Variants in MYO5C observed in about 807,000 individuals in gnomAD.
MYO5C encodes the protein unconventional myosin-Vc.
MYO5C carries 194 observed loss-of-function variants against 235.7 expected under a neutral mutation model. The observed-to-expected ratio is 0.82, with a 90% CI of 0.73 to 0.93. The LOEUF (loss-of-function observed/expected upper bound fraction) is 0.93, where lower values mean the gene tolerates loss of function less well. MYO5C is among the 40% of genes least tolerant of loss of function. The pLI is 0.00. For synonymous variants in MYO5C, 707 were observed against 754.8 expected (o/e 0.94, Z 1.04); for missense variants, 2,038 against 2,127.2 (o/e 0.96, Z 0.82).
rs377184231 is a variant in MYO5C, at chr15:52,258,375, G to A, written c.1314-1655C>T. Among the ~76,000 whole-genome samples, 13 of 152,294 alleles carry A rather than the reference G, an allele frequency of 8.5e-5. 1 individual carries two copies. The East Asian group carries it at 1.2e-3, about 14-fold the overall frequency. ...GGTTCTGTGACTTTCTTGAGGTCAC[G>A]TAACTGGTATGCTACGGAGCTCATT... On this transcript the variant is annotated intron_variant, in intron 10 of 40. Transcript: ENST00000261839.
At chr15:52,232,451 A>AC (rs2035986776) in intron 24 of MYO5C, among the ~76,000 whole-genome samples, 171 bp downstream of exon 24, 1 of 152,178 alleles carries the variant, frequency 6.6e-6, no homozygotes, top group East Asian at 1.9e-4. Flanking sequence ...TCAGTATCTG[A>AC]CAGTACACAT....
At chr15:52,220,844 T>G (rs2035665897) in intron 30 of MYO5C, among the ~76,000 whole-genome samples, 1 of 151,708 alleles carries the variant, frequency 6.6e-6, no homozygotes, top group South Asian at 2.1e-4. Context: ...AAAAAAAATT[T>G]TTTTTGTAGA....
chr15:52,212,167 T>C (rs1298856696), intron 34 of MYO5C, among the ~76,000 whole-genome samples: 1 of 152,184 alleles, frequency 6.6e-6, no homozygotes, highest in Non-Finnish European at 1.5e-5. Context: ...AAACCCTGGA[T>C]TTCAGACCCC....
At chr15:52,216,599 T>G (rs760193636) in intron 32 of MYO5C, among the ~76,000 whole-genome samples, 1 of 138,866 alleles carries the variant, frequency 7.2e-6, no homozygotes, top group Admixed American at 7.5e-5. Context: ...TTACTAAAAG[T>G]TTTTTTTTAA....
chr15:52,217,930 TC>T, intron 32 of MYO5C, among the ~76,000 whole-genome samples: 1 of 152,320 alleles, frequency 6.6e-6, no homozygotes, highest in East Asian at 1.9e-4. Context: ...CTTCAGCACT[TC>T]TCAGTCTTCT....
intron 32 of MYO5C, 24 bp from the exon 33 acceptor site, chr15:52,214,714 G>T: frequency 6.6e-7 from 1 of 1,509,754 alleles, no homozygotes. Flanking sequence ...AAGAAACCAG[G>T]ATTTAGCTTA....
chr15:52,237,289 C>A, intron 22 of MYO5C, 193 bp downstream of exon 22: 2 of 596,032 alleles, frequency 3.4e-6, no homozygotes, highest in South Asian at 2.9e-5. Flanking sequence ...CATTATTAAC[C>A]TCCTCCCTTC....
chr15:52,295,503 T>G, intron 1 of MYO5C, 107 bp downstream of exon 1: 5 of 1,292,002 alleles, frequency 3.9e-6, no homozygotes, highest in Non-Finnish European at 5.1e-6. Flanking sequence ...CGCCCTGCCG[T>G]GTCAGGTGCG....
Position 52,256,191 on chromosome 15 carries a change from G to T in MYO5C, c.1395+448C>A, listed in dbSNP as rs536700807. ...GAAGCACATAGGAAGAGGCCAGGAGGTATCGCAGGAGGCTCTCAGGGAAGC... is the reference window on the plus strand; with the variant it reads ...GAAGCACATAGGAAGAGGCCAGGAGTTATCGCAGGAGGCTCTCAGGGAAGC... On this transcript the variant is annotated intron_variant, in intron 11 of 40. Coordinates refer to ENST00000261839, the MANE Select transcript of MYO5C (RefSeq NM_018728.4). 2.0e-5 allele frequency among the ~76,000 whole-genome samples: 3 copies of T among 152,292 alleles called. No individual in the cohort carries two copies. The East Asian group carries it at 5.8e-4, about 29-fold the overall frequency.
intron 21 of MYO5C, 26 bp from the exon 22 acceptor site, chr15:52,237,672 T>G: frequency 6.3e-7 from 1 of 1,595,042 alleles, no homozygotes; most frequent in Non-Finnish European, 8.5e-7. Context: ...TTCAGATGTT[T>G]AGAGGTTAAT....
chr15:52,293,709 A>T (rs1027119063), intron 1 of MYO5C, among the ~76,000 whole-genome samples: 1 of 151,938 alleles, frequency 6.6e-6, no homozygotes, highest in African/African-American at 2.4e-5. Flanking sequence ...TGCAGCTCTA[A>T]TTCTTTTCCA....
chr15:52,293,908 C>T (rs1328663161), intron 1 of MYO5C, among the ~76,000 whole-genome samples: 1 of 152,224 alleles, frequency 6.6e-6, no homozygotes, highest in African/African-American at 2.4e-5. Context: ...CATGGCCCTC[C>T]CCTTCACACC....
intron 25 of MYO5C, 32 bp from the exon 26 acceptor site, chr15:52,225,564 G>A: frequency 2.0e-6 from 3 of 1,474,008 alleles, no homozygotes; most frequent in Non-Finnish European, 2.8e-6. Flanking sequence ...ATCAGGTAAA[G>A]AAAAAACAAC....
intron 33 of MYO5C, chr15:52,213,523 G>A (rs1187182193): frequency 2.5e-6 from 1 of 401,468 alleles, no homozygotes; most frequent in Non-Finnish European, 4.6e-6. Context: ...CCTTTGAAGA[G>A]CCTTATGAGT....
At chr15:52,220,329 C>G (rs2035647766) in intron 30 of MYO5C, among the ~76,000 whole-genome samples, 1 of 152,102 alleles carries the variant, frequency 6.6e-6, no homozygotes, top group African/African-American at 2.4e-5. Context: ...ATCAGTGGAG[C>G]TTGGAGGCAG....
At chr15:52,204,189 C>G (rs542013790) in intron 38 of MYO5C, among the ~76,000 whole-genome samples, 1 of 152,168 alleles carries the variant, frequency 6.6e-6, no homozygotes, top group South Asian at 2.1e-4. Context: ...GCCTGGTATT[C>G]CAGACCCTCC....
rs1311652953 is a variant in MYO5C at position 52,289,426 on chromosome 15, TC to T, written c.27+6183del. Among the ~76,000 whole-genome samples, 4 of 152,208 alleles carry T rather than the reference TC, an allele frequency of 2.6e-5. No individual in the cohort carries two copies. In the East Asian group the frequency reaches 7.7e-4, roughly 29 times the overall value. ...TTCCAAACTCCAGTGATGCCGACGCTCCTCCTTCCTAGCTCTCTTGCCCCTC... is the reference window on the plus strand; with the variant it reads ...TTCCAAACTCCAGTGATGCCGACGCTCTCCTTCCTAGCTCTCTTGCCCCTC... On this transcript the variant is annotated intron_variant, in intron 1 of 40. Transcript: ENST00000261839.
chr15:52,196,584 C>T, intron 38 of MYO5C, 101 bp from the exon 39 acceptor site: 4 of 1,103,118 alleles, frequency 3.6e-6, no homozygotes, highest in Non-Finnish European at 3.9e-6. Context: ...ATCCTTAAGA[C>T]CACAGCTCAG....
chr15:52,194,287 T>C (rs939308938), intron 40 of MYO5C, among the ~76,000 whole-genome samples: 4 of 152,244 alleles, frequency 2.6e-5, no homozygotes, highest in Non-Finnish European at 5.9e-5. Flanking sequence ...AGAAGTTAAT[T>C]TCCCATGGGA....
Sources: allele counts gnomAD v4.1 joint callset (sites outside exome capture counted in the v4.1 genomes callset), GRCh38; gene constraint gnomAD v4.1.1; transcripts MANE v1.5; gene names NCBI Gene and HGNC (gene_info 2026-07-23, HGNC 2026-07-21).